PIP4K2A: variants seen among roughly 807,000 people sequenced by gnomAD.
PIP4K2A encodes phosphatidylinositol-5-phosphate 4-kinase type 2 alpha.
In PIP4K2A, 14 loss-of-function variants were observed where a neutral mutation model predicts 42.9. That is an observed-to-expected ratio of 0.33 (90% CI 0.22 to 0.51). The LOEUF (loss-of-function observed/expected upper bound fraction) is 0.51. Among genes scored for constraint, PIP4K2A ranks in the 20% least tolerant of loss-of-function variants. PIP4K2A has a pLI of 0.97. For missense variants in PIP4K2A, 434 were observed against 519.8 expected, an observed-to-expected ratio of 0.83 and a Z score of 1.61; for synonymous variants, 192 against 192.2, an observed-to-expected ratio of 1.00 and a Z score of 0.01.
rs45627240 is a variant in PIP4K2A at position 22,536,957 on chromosome 10, A to AC, written c.*243dup. On this transcript the variant is annotated 3_prime_UTR_variant, in exon 10 of 10. Transcript: ENST00000376573. The stretch of plus-strand genomic sequence containing the variant: ...AAAATGCACACGCGCGCACACACTC[A>AC]CCCCCCCCCAACACACACACACACA... 144 of 325,474 alleles carry AC rather than the reference A, an allele frequency of 4.4e-4. No individual in the cohort carries two copies. The highest frequency in any genetic ancestry group is 1.8e-3 in the East Asian group (26 of 14,444). 20.2% of individuals were successfully genotyped at this position (325,474 alleles called of 1,614,324 possible).
intron 1 of PIP4K2A, among the ~76,000 whole-genome samples, chr10:22,680,561 A>T (rs1030388654): frequency 2.0e-5 from 3 of 149,930 alleles, no homozygotes; most frequent in African/African-American, 7.2e-5. Flanking sequence ...GAATGACAAT[A>T]AAAAGGCTAG....
At chr10:22,563,829 A>G (rs565197501) in intron 6 of PIP4K2A, among the ~76,000 whole-genome samples, 70 of 152,362 alleles carry the variant, frequency 4.6e-4, no homozygotes, top group African/African-American at 1.6e-3. Context: ...GTGACTGTTA[A>G]GGATTACATG....
chr10:22,633,584 G>A (rs1422980218), intron 1 of PIP4K2A, among the ~76,000 whole-genome samples: 2 of 152,150 alleles, frequency 1.3e-5, no homozygotes, highest in African/African-American at 4.8e-5. Context: ...AAAGGGTACA[G>A]GCAGGGGAGG....
chr10:22,706,334 C>T (rs1833821612), intron 1 of PIP4K2A, among the ~76,000 whole-genome samples: 1 of 152,132 alleles, frequency 6.6e-6, no homozygotes, highest in Non-Finnish European at 1.5e-5. Context: ...GATCTCCTAC[C>T]ACTATATCCC....
chr10:22,699,624 C>A (rs1327522334), intron 1 of PIP4K2A, among the ~76,000 whole-genome samples: 2 of 152,092 alleles, frequency 1.3e-5, no homozygotes, highest in Non-Finnish European at 2.9e-5. Flanking sequence ...GGCTACGGGC[C>A]ACTTAGACAA....
rs12265213 is a variant in PIP4K2A, at chr10:22,535,836, C to T, written c.*1365G>A. 3.5e-4 allele frequency: 110 copies of T among 317,996 alleles called. No individual in the cohort carries two copies. The highest frequency in any genetic ancestry group is 1.7e-4 in the African/African-American group (8 of 47,208). The allele number at this position is 317,996 out of a possible 1,614,324, so 19.7% of individuals were successfully genotyped here. ...TGAACTTTCATAAACCAGACTGGGG[C>T]GAAATCTCTTTTTAAAAAAATCAAT... On this transcript the variant is annotated 3_prime_UTR_variant, in exon 10 of 10. Transcript: ENST00000376573.
intron 1 of PIP4K2A, among the ~76,000 whole-genome samples, chr10:22,652,175 C>T (rs1223690035): frequency 1.3e-5 from 2 of 151,644 alleles, no homozygotes; most frequent in African/African-American, 4.9e-5. Flanking sequence ...TGGAGTGCAG[C>T]GGCATGGTCT....
Position 22,536,343 on chromosome 10 carries a change from A to AT in PIP4K2A, c.*857_*858insA. 3.1e-6 allele frequency: 1 copy of AT among 323,494 alleles called. No individual in the cohort carries two copies. The highest frequency in any genetic ancestry group is 4.0e-5 in the East Asian group (1 of 25,214). The allele number at this position is 323,494 out of a possible 1,614,324, so 20.0% of individuals were successfully genotyped here. A position where few individuals can be genotyped will look rare whatever the true frequency, so the allele number is the denominator to read the frequency against. On this transcript the variant is annotated 3_prime_UTR_variant, in exon 10 of 10. Coordinates refer to ENST00000376573, the MANE Select transcript of PIP4K2A (RefSeq NM_005028.5). ...AGCATTAATTCCTATATTGCAACGT[A>AT]AGGGTGAACAATGAAGGCTCCAGGC...
At chr10:22,687,105 T>C (rs967017198) in intron 1 of PIP4K2A, among the ~76,000 whole-genome samples, 1 of 149,084 alleles carries the variant, frequency 6.7e-6, no homozygotes, top group Non-Finnish European at 1.5e-5. Flanking sequence ...TGTGACACTA[T>C]ACTAATCTGC....
intron 3 of PIP4K2A, among the ~76,000 whole-genome samples, chr10:22,605,110 T>TG (rs1837878294): frequency 6.6e-6 from 1 of 152,222 alleles, no homozygotes; most frequent in African/African-American, 2.4e-5. Flanking sequence ...GTACAGACAC[T>TG]GGGAAAGAAA....
rs777075795 is a variant in PIP4K2A, at chr10:22,536,714, C to CAAAAAAAAAAAAAAAAAAAAAAAA, written c.*463_*486dup. On this transcript the variant is annotated 3_prime_UTR_variant, in exon 10 of 10. Coordinates refer to ENST00000376573, the MANE Select transcript of PIP4K2A (RefSeq NM_005028.5). ...AATACTGTCTCACATCTTTCAACTC[C>CAAAAAAAAAAAAAAAAAAAAAAAA]AAAAAAAAAAAAAAAAAAAAAAAAC... 1.9e-5 allele frequency: 1 copy of CAAAAAAAAAAAAAAAAAAAAAAAA among 53,974 alleles called. No homozygotes were observed. The highest frequency in any genetic ancestry group is 6.2e-5 in the African/African-American group (1 of 16,020). 3.3% of individuals were successfully genotyped at this position (53,974 alleles called of 1,614,324 possible). A position where few individuals can be genotyped will look rare whatever the true frequency, so the allele number is the denominator to read the frequency against.
At chr10:22,636,001 T>C (rs1838654805) in intron 1 of PIP4K2A, among the ~76,000 whole-genome samples, 1 of 152,206 alleles carries the variant, frequency 6.6e-6, no homozygotes, top group Non-Finnish European at 1.5e-5. Context: ...GCTGAAAACA[T>C]TTAGAAGTAA....
At chr10:22,590,987 C>T (rs1399776774) in intron 4 of PIP4K2A, among the ~76,000 whole-genome samples, 1 of 152,240 alleles carries the variant, frequency 6.6e-6, no homozygotes, top group Non-Finnish European at 1.5e-5. Context: ...GGAGGCCTCT[C>T]ACAGCGCGGG....
intron 1 of PIP4K2A, among the ~76,000 whole-genome samples, chr10:22,689,701 G>A (rs955771368): frequency 1.3e-5 from 2 of 152,186 alleles, no homozygotes; most frequent in Non-Finnish European, 2.9e-5. Flanking sequence ...CAAGGTGCAT[G>A]ACAGTAAAGG....
Position 22,537,042 on chromosome 10 carries a change from C to T in PIP4K2A, c.*159G>A, listed in dbSNP as rs1247016567. The T allele has an allele frequency of 9.0e-6, 5 of 553,342 alleles. No homozygotes were observed. Among genetic ancestry groups the T allele is most frequent in the African/African-American group, 7.9e-5 (4 of 50,594 alleles). 34.3% of individuals were successfully genotyped at this position (553,342 alleles called of 1,614,324 possible). On this transcript the variant is annotated 3_prime_UTR_variant, in exon 10 of 10. Coordinates refer to ENST00000376573, the MANE Select transcript of PIP4K2A (RefSeq NM_005028.5). ...CTGGGAAAATCAGGTAGCTGTAAAG[C>T]GAGTAGCCCCCAAATCAGTCATCTT...
chr10:22,698,806 G>C (rs1449245041), intron 1 of PIP4K2A, among the ~76,000 whole-genome samples: 2 of 152,124 alleles, frequency 1.3e-5, no homozygotes, highest in African/African-American at 2.4e-5. Context: ...TGATAGAATG[G>C]TTATGGTAAT....
At chr10:22,630,663 A>G (rs1215115498) in intron 1 of PIP4K2A, among the ~76,000 whole-genome samples, 1 of 152,236 alleles carries the variant, frequency 6.6e-6, no homozygotes, top group Non-Finnish European at 1.5e-5. Context: ...CAAATATATG[A>G]TTATCAGCAA....
chr10:22,650,578 A>G (rs1208214051), intron 1 of PIP4K2A, among the ~76,000 whole-genome samples: 1 of 152,232 alleles, frequency 6.6e-6, no homozygotes, highest in Non-Finnish European at 1.5e-5. Flanking sequence ...TTACTGTGAT[A>G]TTGTGAACAA....
intron 1 of PIP4K2A, among the ~76,000 whole-genome samples, chr10:22,678,614 C>T (rs1317523634): frequency 6.6e-6 from 1 of 152,196 alleles, no homozygotes; most frequent in Non-Finnish European, 1.5e-5. Context: ...AAACTCTTCT[C>T]CAGCAGATTC....
Sources: allele counts gnomAD v4.1 joint callset (sites outside exome capture counted in the v4.1 genomes callset), GRCh38; gene constraint gnomAD v4.1.1; transcripts MANE v1.5; gene names NCBI Gene and HGNC (gene_info 2026-07-23, HGNC 2026-07-21).